Variants in ACACB observed in about 807,000 individuals in gnomAD.
ACACB encodes acetyl-CoA carboxylase 2.
A neutral mutation model predicts 278.8 loss-of-function variants in ACACB; 209 were observed. That is an observed-to-expected ratio of 0.75 (90% CI 0.67 to 0.84). The LOEUF (loss-of-function observed/expected upper bound fraction) is 0.84. Among genes scored for constraint, ACACB ranks in the 40% least tolerant of loss-of-function variants. The pLI is 0.00. For synonymous variants in ACACB, 1,174 were observed against 1,285.6 expected, an observed-to-expected ratio of 0.91 and a Z score of 1.86; for missense variants, 2,850 against 3,269.0, an observed-to-expected ratio of 0.87 and a Z score of 3.13.
rs1489830732 is a variant in ACACB, at chr12:109,191,906, G to A, written c.2355G>A (p.Ala785=). 3.7e-6 allele frequency: 6 copies of A among 1,614,062 alleles called. No homozygotes were observed. Among genetic ancestry groups the A allele is most frequent in the Non-Finnish European group, 4.2e-6 (5 of 1,180,050 alleles). The change falls in exon 15 of 53, where the codon GCG becomes GCA. Residue 785 remains alanine, a synonymous_variant. Coordinates refer to ENST00000338432, the MANE Select transcript of ACACB (RefSeq NM_001093.4). The part of the protein sequence containing the change: ...VVCGALNVAD[A]MFRTCMTDFL... ...GCGGGGCCTTGAACGTGGCCGATGC[G>A]ATGTTCAGAACGTGCATGACAGATT... is the stretch of plus-strand genomic sequence containing the variant.
chr12:109,124,302 G>A (rs2042624158), intron 1 of ACACB, among the ~76,000 whole-genome samples: 2 of 152,072 alleles, frequency 1.3e-5, no homozygotes, highest in South Asian at 4.1e-4. Context: ...TGGGTCATTT[G>A]TCCCGTAGAA....
rs1387844764 is a variant in ACACB at position 109,265,555 on chromosome 12, C to T, written c.7250+30C>T. The T allele has an allele frequency of 1.4e-5, 22 of 1,609,532 alleles. No homozygotes were observed. In the Admixed American group the frequency reaches 3.5e-4, roughly 26 times the overall value. On this transcript the variant is annotated intron_variant, in intron 52 of 52. Transcript: ENST00000338432. ...GTGGCCACCGCACCTGCTTCCCAGC[C>T]TCCTGGCAAGGACCCGAGCCTGGAT...
At chr12:109,134,729 A>G (rs1310415382) in intron 1 of ACACB, among the ~76,000 whole-genome samples, 1 of 152,200 alleles carries the variant, frequency 6.6e-6, no homozygotes, top group African/African-American at 2.4e-5. Flanking sequence ...CCAGAGATTC[A>G]CAACCAAAGG....
In ACACB at chr12:109,139,122, A is replaced by G. The variant is rs534097936; in HGVS notation, c.-9-275A>G. On this transcript the variant is annotated intron_variant, in intron 1 of 52. Coordinates refer to ENST00000338432, the MANE Select transcript of ACACB (RefSeq NM_001093.4). ...GTTCTGCACACTTCATATACTTGGA[A>G]TCGTATAATATGTGACCTTTTGTGA... is the stretch of plus-strand genomic sequence containing the variant. 2.6e-5 allele frequency among the ~76,000 whole-genome samples: 4 copies of G among 152,242 alleles called. No individual in the cohort carries two copies. In the East Asian group the frequency reaches 7.7e-4, roughly 29 times the overall value.
intron 47 of ACACB, chr12:109,260,107 G>A: frequency 1.5e-6 from 2 of 1,370,210 alleles, no homozygotes; most frequent in Non-Finnish European, 1.9e-6. Flanking sequence ...TGGAAGATAA[G>A]GGCCATGTTG....
chr12:109,147,879 T>A (rs2043281925), intron 2 of ACACB, among the ~76,000 whole-genome samples: 1 of 152,228 alleles, frequency 6.6e-6, no homozygotes, highest in African/African-American at 2.4e-5. Flanking sequence ...AATAGGCATT[T>A]TATAGTTGTT....
rs773664849 is a variant in ACACB, at chr12:109,265,400, G to A, written c.7125G>A (p.Trp2375Ter). The A allele has an allele frequency of 1.2e-6, 2 of 1,613,882 alleles. No individual in the cohort carries two copies. Among genetic ancestry groups the A allele is most frequent in the Admixed American group, 3.3e-5 (2 of 60,012 alleles). ...ETEGAVKAYL[W>*]DNNQVVVQWL... ...TGCCCCCTCCCCAGGCCTACTTGTG[G>A]GACAACAACCAGGTGGTTGTGCAGT... is the stretch of plus-strand genomic sequence containing the variant. Residue 2375 changes from tryptophan to a stop codon, truncating the protein, a stop_gained, in exon 52 of 53, where the codon TGG becomes TGA. Transcript: ENST00000338432. LOFTEE classifies it high-confidence loss of function.
intron 24 of ACACB, among the ~76,000 whole-genome samples, chr12:109,219,001 A>C (rs887549864): frequency 2.0e-5 from 3 of 151,862 alleles, no homozygotes; most frequent in African/African-American, 4.8e-5. Context: ...TCCTGACCTC[A>C]GGTGATCCAC....
At chr12:109,231,890 GAAGA>G (rs910630547) in intron 28 of ACACB, among the ~76,000 whole-genome samples, 17 of 152,344 alleles carry the variant, frequency 1.1e-4, no homozygotes, top group African/African-American at 4.1e-4. Flanking sequence ...CAGGCTTGCA[GAAGA>G]AAGCAGGTGT....
Position 109,246,460 on chromosome 12 carries a change from A to C in ACACB, c.5571+12A>C, listed in dbSNP as rs761956977. The C allele has an allele frequency of 3.1e-6, 5 of 1,606,124 alleles. No individual in the cohort carries two copies. In the South Asian group the frequency reaches 5.5e-5, roughly 18 times the overall value. On this transcript the variant is annotated intron_variant, in intron 39 of 52. Coordinates refer to ENST00000338432, the MANE Select transcript of ACACB (RefSeq NM_001093.4). ...AAGACCCCCACAAAGTACGTCGTGA[A>C]ACTGGCGGGGCAGGGTGATTCTGCT... is the stretch of plus-strand genomic sequence containing the variant.
At chr12:109,200,520 T>C (rs1368658276) in intron 18 of ACACB, among the ~76,000 whole-genome samples, 2 of 152,176 alleles carry the variant, frequency 1.3e-5, no homozygotes, top group African/African-American at 2.4e-5. Flanking sequence ...TGTCAATCAA[T>C]GATTAAATAT....
chr12:109,201,247 A>G (rs1191307308), intron 18 of ACACB, among the ~76,000 whole-genome samples: 1 of 152,238 alleles, frequency 6.6e-6, no homozygotes, highest in African/African-American at 2.4e-5. Flanking sequence ...GAACCACTCT[A>G]TGTAATATGA....
At chr12:109,143,935 G>A (rs528619144) in intron 2 of ACACB, among the ~76,000 whole-genome samples, 1 of 152,248 alleles carries the variant, frequency 6.6e-6, no homozygotes, top group Admixed American at 6.5e-5. Flanking sequence ...GGGAGACTGA[G>A]GTGGGAGGAT....
intron 2 of ACACB, among the ~76,000 whole-genome samples, chr12:109,142,806 A>G (rs1313761502): frequency 3.9e-5 from 6 of 152,102 alleles, no homozygotes; most frequent in Non-Finnish European, 8.8e-5. Flanking sequence ...ACCTCAAGTG[A>G]TCCACCCGCC....
Position 109,216,838 on chromosome 12 carries a change from A to C in ACACB, c.3482A>C (p.Lys1161Thr), listed in dbSNP as rs1211864636. Reference sequence around the variant, plus strand: ...GTGATAAACCTCAGGGAGCAGTTCAAGCCAGACATGTCCCAGGTGCTGGAC... The same window carrying C: ...GTGATAAACCTCAGGGAGCAGTTCACGCCAGACATGTCCCAGGTGCTGGAC... ...KCVINLREQF[K>T]PDMSQVLDCI... Residue 1161 changes from lysine to threonine, a missense_variant, in exon 24 of 53, where the codon AAG (lysine) becomes ACG (threonine). Physicochemically the swap from Lys to Thr is moderately conservative, Grantham distance 78. Transcript: ENST00000338432. The C allele has an allele frequency of 1.5e-5, 24 of 1,614,174 alleles. No individual in the cohort carries two copies. The highest frequency in any genetic ancestry group is 2.0e-5 in the Non-Finnish European group (24 of 1,180,036).
chr12:109,238,406 TTA>T (rs924233076), intron 34 of ACACB, among the ~76,000 whole-genome samples: 1 of 140,308 alleles, frequency 7.1e-6, no homozygotes, highest in African/African-American at 2.6e-5. Context: ...ATATATATAA[TTA>T]TATATAATAA....
At chr12:109,210,505 A>G (rs1257420764) in intron 21 of ACACB, among the ~76,000 whole-genome samples, 2 of 148,946 alleles carry the variant, frequency 1.3e-5, no homozygotes, top group Non-Finnish European at 3.0e-5. Context: ...ATGTATGTGT[A>G]TATACGCACA....
intron 3 of ACACB, among the ~76,000 whole-genome samples, chr12:109,167,521 G>A (rs1019130573): frequency 5.3e-5 from 8 of 150,046 alleles, no homozygotes; most frequent in African/African-American, 2.0e-4. Context: ...ATCACTTGAA[G>A]CTGGAAGGTC....
intron 37 of ACACB, among the ~76,000 whole-genome samples, chr12:109,243,235 C>T (rs551408200): frequency 2.0e-5 from 3 of 152,268 alleles, no homozygotes; most frequent in South Asian, 4.2e-4. Context: ...AGGCACCATT[C>T]GAAGTCTAGA....
Sources: allele counts gnomAD v4.1 joint callset (sites outside exome capture counted in the v4.1 genomes callset), GRCh38; gene constraint gnomAD v4.1.1; transcripts MANE v1.5; gene names NCBI Gene and HGNC (gene_info 2026-07-23, HGNC 2026-07-21).